RAD52: variants seen among roughly 807,000 people sequenced by gnomAD.
The protein encoded by RAD52 is RAD52 DNA repair protein, also known as DNA repair protein RAD52 homolog.
RAD52 carries 47 observed loss-of-function variants against 55.5 expected under a neutral mutation model. The observed-to-expected ratio is 0.85, with a 90% CI of 0.67 to 1.08. The LOEUF (loss-of-function observed/expected upper bound fraction) is 1.08, where lower values mean the gene tolerates loss of function less well. Among genes scored for constraint, RAD52 ranks in the 50% least tolerant of loss-of-function variants. RAD52 has a pLI of 0.00. For synonymous variants in RAD52, 184 were observed against 198.9 expected (o/e 0.92, Z 0.63); for missense variants, 468 against 522.8 (o/e 0.90, Z 1.02).
chr12:979,489 A>C (rs1258569638), intron 1 of RAD52, among the ~76,000 whole-genome samples: 1 of 152,114 alleles, frequency 6.6e-6, no homozygotes, highest in Non-Finnish European at 1.5e-5. Context: ...GGGGCTCTTA[A>C]CAGATAAGAC....
intron 1 of RAD52, chr12:974,483 G>A (rs920471918): frequency 6.6e-6 from 1 of 152,242 alleles, no homozygotes; most frequent in African/African-American, 2.4e-5. Flanking sequence ...CAAACAACAG[G>A]GGAGGTCCGA....
upstream of RAD52, among the ~76,000 whole-genome samples, chr12:954,142 T>A (rs1302848903): frequency 2.6e-5 from 4 of 152,244 alleles, no homozygotes; most frequent in African/African-American, 7.2e-5. Context: ...TCTGGTTTTT[T>A]AATTGGCTGT....
intron 1 of RAD52, among the ~76,000 whole-genome samples, chr12:979,206 G>A (rs555405267): frequency 2.6e-5 from 4 of 152,230 alleles, no homozygotes; most frequent in South Asian, 2.1e-4. Context: ...GTGGGAGGCC[G>A]AGGTGGGTGG....
intron 2 of RAD52, among the ~76,000 whole-genome samples, chr12:932,480 G>C (rs1957372010): frequency 6.6e-6 from 1 of 151,850 alleles, no homozygotes; most frequent in Non-Finnish European, 1.5e-5. Flanking sequence ...GGGTGACAAA[G>C]CAAGACTCAG....
intron 3 of RAD52, among the ~76,000 whole-genome samples, chr12:930,431 C>G (rs931607953): frequency 5.9e-5 from 9 of 151,758 alleles, no homozygotes; most frequent in African/African-American, 2.2e-4. Context: ...TTTCAAAAAT[C>G]TTCTAGATGG....
At chr12:932,947 T>C in intron 2 of RAD52, 28 bp downstream of exon 2, 1 of 1,611,252 alleles carries the variant, frequency 6.2e-7, no homozygotes, top group Non-Finnish European at 8.5e-7. Context: ...CACCTCATTC[T>C]TTCCCGGCAT....
At chr12:941,880 G>A (rs1957940466) in intron 1 of RAD52, among the ~76,000 whole-genome samples, 1 of 152,064 alleles carries the variant, frequency 6.6e-6, no homozygotes, top group African/African-American at 2.4e-5. Flanking sequence ...CAGCTGATCT[G>A]CCCGCTGCAG....
At chr12:986,674 G>A (rs944584395) in intron 1 of RAD52, among the ~76,000 whole-genome samples, 1 of 151,734 alleles carries the variant, frequency 6.6e-6, no homozygotes, top group Non-Finnish European at 1.5e-5. Context: ...CTGTTTTAAC[G>A]ATAGCAAGAC....
chr12:951,969 C>CT (rs886447124), upstream of RAD52, among the ~76,000 whole-genome samples: 2 of 151,618 alleles, frequency 1.3e-5, no homozygotes, highest in African/African-American at 2.4e-5. Context: ...TTATGAAAAA[C>CT]TTTTTTTTCT....
intron 1 of RAD52, among the ~76,000 whole-genome samples, chr12:967,452 T>TA (rs1958785582): frequency 6.6e-6 from 1 of 151,806 alleles, no homozygotes; most frequent in Non-Finnish European, 1.5e-5. Context: ...ACTGCCCACG[T>TA]AACCATCACC....
rs1004847086 is a variant in RAD52 at position 922,931 on chromosome 12, A to G, written c.543+2519T>C. ...CTGCAGCCTCCACCTCCCAGGTTCA[A>G]GCGATTCTCATGCCTCAGCCTCCAG... On this transcript the variant is annotated intron_variant, in intron 7 of 11. Coordinates refer to ENST00000358495, the MANE Select transcript of RAD52 (RefSeq NM_134424.4). Among the ~76,000 whole-genome samples, 2 of 152,174 alleles carry G rather than the reference A, an allele frequency of 1.3e-5. 1 individual carries two copies. Among genetic ancestry groups the G allele is most frequent in the South Asian group, 4.2e-4 (2 of 4,804 alleles).
intron 1 of RAD52, among the ~76,000 whole-genome samples, chr12:944,626 A>C (rs1219594488): frequency 8.6e-5 from 13 of 151,770 alleles, no homozygotes; most frequent in African/African-American, 2.2e-4. Flanking sequence ...AAAAAAAAAA[A>C]AACTCAGGGG....
At position 913,909 on chromosome 12, in the gene RAD52, C is replaced by T; in HGVS notation, c.1180G>A (p.Asp394Asn). 2 of 1,614,112 alleles carry T rather than the reference C, an allele frequency of 1.2e-6. No individual in the cohort carries two copies. The highest frequency in any genetic ancestry group is 1.7e-6 in the Non-Finnish European group (2 of 1,179,994). ...GSWDLQTYSA[D>N]QRTTGNWESH... is the part of the protein sequence containing the mutation. ...TCTCTGCTACCTGTTGTGCGTTGGT[C>T]AGCGCTATAAGTTTGGAGGTCCCAA... Residue 394 changes from aspartate (D) to asparagine (N), a missense_variant, in exon 11 of 12, where the codon GAC becomes AAC. Asp to Asn is a conservative substitution (Grantham distance 23, BLOSUM62 1). Transcript: ENST00000358495.
chr12:914,746 TG>T (rs1956267072), intron 9 of RAD52, among the ~76,000 whole-genome samples: 1 of 152,180 alleles, frequency 6.6e-6, no homozygotes, highest in South Asian at 2.1e-4. Flanking sequence ...TTCTCACCAG[TG>T]GGAAAAACAA....
chr12:949,539 T>TC (rs1458656154), intron 1 of RAD52, 63 bp downstream of exon 1: 1 of 152,388 alleles, frequency 6.6e-6, no homozygotes, highest in African/African-American at 2.4e-5. Flanking sequence ...AGCTGAGCCT[T>TC]CCCACGCTCC....
chr12:971,442 A>C (rs1034041771), intron 1 of RAD52, among the ~76,000 whole-genome samples: 3 of 152,168 alleles, frequency 2.0e-5, no homozygotes, highest in African/African-American at 7.2e-5. Context: ...GGAGGAAAAT[A>C]AGCAGCAGTG....
intron 1 of RAD52, chr12:974,442 G>A (rs1958910187): frequency 6.6e-6 from 1 of 152,272 alleles, no homozygotes; most frequent in African/African-American, 2.4e-5. Flanking sequence ...TGCCTTGAAT[G>A]CCTTTGAGAA....
At chr12:925,260 A>G (rs954309265) in intron 7 of RAD52, among the ~76,000 whole-genome samples, 190 bp downstream of exon 7, 1 of 152,132 alleles carries the variant, frequency 6.6e-6, no homozygotes, top group African/African-American at 2.4e-5. Context: ...CACATGATGT[A>G]CTTTAGAAAA....
upstream of RAD52, among the ~76,000 whole-genome samples, chr12:954,361 G>A (rs945506528): frequency 6.6e-6 from 1 of 152,216 alleles, no homozygotes; most frequent in African/African-American, 2.4e-5. Context: ...GCTGGGCGCG[G>A]TGGCTCACGC....
Sources: gnomAD v4.1 joint callset for allele counts (sites outside exome capture counted in the v4.1 genomes callset) on GRCh38, gnomAD v4.1.1 for gene constraint, MANE v1.5 for transcripts, NCBI Gene and HGNC (gene_info 2026-07-23, HGNC 2026-07-21) for gene names.